Variants in OSBPL3 observed in about 807,000 individuals in gnomAD.
OSBPL3 encodes oxysterol-binding protein-related protein 3.
OSBPL3 carries 65 observed loss-of-function variants against 120.1 expected under a neutral mutation model. The observed-to-expected ratio is 0.54, with a 90% confidence interval of 0.44 to 0.67. The LOEUF (loss-of-function observed/expected upper bound fraction) is 0.67, where lower values mean the gene tolerates loss of function less well. OSBPL3 is among the 30% of genes least tolerant of loss of function. The probability of loss-of-function intolerance (pLI) is 0.00; values close to 1 mark genes in which losing one functional copy is unlikely to be tolerated. For synonymous variants in OSBPL3, 416 were observed against 402.6 expected (o/e 1.03, Z -0.40); for missense variants, 1,004 against 1,082.1 (o/e 0.93, Z 1.01).
At position 24,876,540 on chromosome 7, in the gene OSBPL3, T is replaced by C. The variant is rs116841355; in HGVS notation, c.97-4471A>G. The stretch of plus-strand genomic sequence containing the variant: ...ATCCTAGTAAAGTACTAAGTATATA[T>C]TTAGTAGGAACTAAGAGATTTCTCC... On this transcript the variant is annotated intron_variant, in intron 2 of 22. Transcript: ENST00000313367. Among the ~76,000 whole-genome samples, 16 of 152,278 alleles carry C rather than the reference T, an allele frequency of 1.1e-4. No individual in the cohort carries two copies. The East Asian group carries it at 3.1e-3, about 29-fold the overall frequency.
intron 1 of OSBPL3, among the ~76,000 whole-genome samples, chr7:24,944,979 TTTGAGAAAG>T (rs1313075802): frequency 6.6e-6 from 1 of 152,204 alleles, no homozygotes; most frequent in African/African-American, 2.4e-5. Flanking sequence ...TTTCCTCGTA[TTTGAGAAAG>T]CAGCATTCTT....
intron 14 of OSBPL3, among the ~76,000 whole-genome samples, chr7:24,839,916 G>A (rs1039047386): frequency 2.9e-5 from 4 of 137,952 alleles, no homozygotes; most frequent in African/African-American, 8.1e-5. Context: ...GCTTTAACCC[G>A]GGAGGCAGAG....
At chr7:24,963,120 CA>C (rs1815975952) in intron 1 of OSBPL3, among the ~76,000 whole-genome samples, 1 of 152,070 alleles carries the variant, frequency 6.6e-6, no homozygotes, top group Non-Finnish European at 1.5e-5. Context: ...ATCCTAATAC[CA>C]GGTTGATTGG....
At chr7:24,837,777 G>A (rs574103857) in intron 14 of OSBPL3, among the ~76,000 whole-genome samples, 2 of 152,184 alleles carry the variant, frequency 1.3e-5, no homozygotes, top group African/African-American at 4.8e-5. Context: ...GAGGAAGTAA[G>A]TATCTGGTCC....
intron 20 of OSBPL3, 137 bp downstream of exon 20, chr7:24,809,670 C>T: frequency 2.8e-6 from 2 of 726,738 alleles, no homozygotes; most frequent in Non-Finnish European, 4.5e-6. Context: ...GAAAGAGGGC[C>T]TACACCTCTA....
chr7:24,946,043 G>A lies in OSBPL3; in HGVS notation c.-150+33843C>T, dbSNP rs894113644. Among the ~76,000 whole-genome samples, 37 of 152,202 alleles carry A rather than the reference G, an allele frequency of 2.4e-4. No homozygotes were observed. Among genetic ancestry groups the A allele is most frequent in the Admixed American group, 2.3e-3 (35 of 15,288 alleles). On this transcript the variant is annotated intron_variant, in intron 1 of 22. Coordinates refer to ENST00000313367, the MANE Select transcript of OSBPL3 (RefSeq NM_015550.4). This position sits in a 1 kb window ranked among gnomAD's most constrained non-coding sequence, Gnocchi z 4.3. The stretch of plus-strand genomic sequence containing the variant: ...CAATCAGATGCCAGGTGGGGCTGGA[G>A]CTAGGTGGGGCTAGAGTCATCTGAA...
chr7:24,901,046 AT>A (rs1806924162), intron 1 of OSBPL3, among the ~76,000 whole-genome samples: 1 of 145,766 alleles, frequency 6.9e-6, no homozygotes, highest in African/African-American at 2.5e-5. Flanking sequence ...AGAGAGAGAG[AT>A]GGCCAGGTGT....
At chr7:24,850,464 G>A (rs924089447) in intron 11 of OSBPL3, among the ~76,000 whole-genome samples, 5 of 152,182 alleles carry the variant, frequency 3.3e-5, no homozygotes, top group Non-Finnish European at 5.9e-5. Flanking sequence ...TGAGCCTTTT[G>A]CATCCACCAG....
intron 20 of OSBPL3, among the ~76,000 whole-genome samples, chr7:24,809,053 T>C (rs973818086): frequency 2.6e-5 from 4 of 152,238 alleles, no homozygotes; most frequent in Non-Finnish European, 4.4e-5. Context: ...AAATTGCCTA[T>C]GTAACAACCC....
intron 16 of OSBPL3, among the ~76,000 whole-genome samples, chr7:24,823,246 A>T (rs1348488671): frequency 6.6e-6 from 1 of 152,212 alleles, no homozygotes; most frequent in Non-Finnish European, 1.5e-5. Flanking sequence ...GGCCAACTAA[A>T]AAAAGAACAC....
chr7:24,928,508 A>C (rs867524049), intron 1 of OSBPL3, among the ~76,000 whole-genome samples: 13 of 152,116 alleles, frequency 8.5e-5, no homozygotes, highest in African/African-American at 2.2e-4. Context: ...GTCTTTATAA[A>C]TTACCCAGTC....
At chr7:24,893,925 C>A (rs1355815881) in intron 1 of OSBPL3, among the ~76,000 whole-genome samples, 1 of 152,102 alleles carries the variant, frequency 6.6e-6, no homozygotes, top group Non-Finnish European at 1.5e-5. Flanking sequence ...TTATTTAACA[C>A]ACTAAGTTCA....
chr7:24,950,827 T>A (rs1172438885), intron 1 of OSBPL3, among the ~76,000 whole-genome samples: 1 of 152,144 alleles, frequency 6.6e-6, no homozygotes, highest in Non-Finnish European at 1.5e-5. Context: ...AGTGCAGAAT[T>A]AAAGTGGTTA....
Position 24,938,243 on chromosome 7 carries a change from C to A in OSBPL3, c.-150+41643G>T, listed in dbSNP as rs1812651050. ...CCCTTATGAAAGAGAGCCCAGAGAGCTGTCTTGCCTTCCACCACGTGAGGA... is the reference window on the plus strand; with the variant it reads ...CCCTTATGAAAGAGAGCCCAGAGAGATGTCTTGCCTTCCACCACGTGAGGA... On this transcript the variant is annotated intron_variant, in intron 1 of 22. Coordinates refer to ENST00000313367, the MANE Select transcript of OSBPL3 (RefSeq NM_015550.4). The surrounding 1 kb of genome is among the most constrained non-coding windows in gnomAD (Gnocchi z 5.8). Among the ~76,000 whole-genome samples the A allele has an allele frequency of 6.6e-6, 1 of 152,220 alleles. No homozygotes were observed. Among genetic ancestry groups the A allele is most frequent in the Non-Finnish European group, 1.5e-5 (1 of 68,026 alleles).
In OSBPL3 at chr7:24,912,788, C is replaced by T. The variant is rs1166986143; in HGVS notation, c.-149-20167G>A. Among the ~76,000 whole-genome samples the T allele has an allele frequency of 6.6e-6, 1 of 152,216 alleles. No individual in the cohort carries two copies. The highest frequency in any genetic ancestry group is 1.5e-5 in the Non-Finnish European group (1 of 68,034). ...CTCTAACAAAGTGACCGTGACACTT[C>T]TTCATCAATAGATGGCTTCTATATT... On this transcript the variant is annotated intron_variant, in intron 1 of 22. Transcript: ENST00000313367. The surrounding 1 kb of genome is among the most constrained non-coding windows in gnomAD (Gnocchi z 4.5).
At position 24,830,760 on chromosome 7, in the gene OSBPL3, A is replaced by T; in HGVS notation, c.1884+8T>A. On this transcript the variant is annotated splice_region_variant and intron_variant, in intron 16 of 22. Transcript: ENST00000313367. The surrounding 1 kb of genome is among the most constrained non-coding windows in gnomAD (Gnocchi z 4.4). ...CCTCCCAACAAGCAAAAAATGGTGT[A>T]CATCTACCTGTTCTGAAAAAAACTG... 6.2e-7 allele frequency: 1 copy of T among 1,605,622 alleles called. No individual in the cohort carries two copies. The highest frequency in any genetic ancestry group is 1.7e-4 in the Middle Eastern group (1 of 6,034).
At position 24,849,284 on chromosome 7, in the gene OSBPL3, T is replaced by A; in HGVS notation, c.1159-108A>T. On this transcript the variant is annotated intron_variant, in intron 11 of 22. Transcript: ENST00000313367. The surrounding 1 kb of genome is among the most constrained non-coding windows in gnomAD (Gnocchi z 5.4). ...TCTAAGAGCTTGATGAAACTCTTAG[T>A]GACGTGGTCTGACAGCGCACTTTCT... is the stretch of plus-strand genomic sequence containing the variant. The A allele has an allele frequency of 1.3e-6, 1 of 746,904 alleles. No homozygotes were observed. The highest frequency in any genetic ancestry group is 2.2e-6 in the Non-Finnish European group (1 of 446,794). The allele number at this position is 746,904 out of a possible 1,614,324, so 46.3% of individuals were successfully genotyped here.
chr7:24,923,334 C>T (rs1480523436), intron 1 of OSBPL3, among the ~76,000 whole-genome samples: 2 of 152,198 alleles, frequency 1.3e-5, no homozygotes, highest in African/African-American at 4.8e-5. Flanking sequence ...AGGTCTGTGC[C>T]TCATGTCTCC....
At chr7:24,869,186 T>A (rs540714473) in intron 5 of OSBPL3, among the ~76,000 whole-genome samples, 1 of 152,324 alleles carries the variant, frequency 6.6e-6, no homozygotes, top group East Asian at 1.9e-4. Flanking sequence ...AATATTAAAC[T>A]GCATTTATCA....
Sources: allele counts gnomAD v4.1 joint callset (sites outside exome capture counted in the v4.1 genomes callset), GRCh38; gene constraint gnomAD v4.1.1; non-coding constraint Gnocchi (gnomAD v3.1); transcripts MANE v1.5; gene names NCBI Gene and HGNC (gene_info 2026-07-23, HGNC 2026-07-21).